RPP40: variants seen among roughly 807,000 people sequenced by gnomAD.
RPP40 encodes the protein ribonuclease P/MRP subunit p40.
Under a neutral mutation model 42.5 loss-of-function variants are expected in RPP40, and 30 were observed. The observed-to-expected ratio is 0.71, with a 90% CI of 0.53 to 0.96. The LOEUF (loss-of-function observed/expected upper bound fraction) is 0.96, where lower values mean the gene tolerates loss of function less well. RPP40 is among the 40% of genes least tolerant of loss of function. RPP40 has a pLI of 0.00. For missense variants in RPP40, 426 were observed against 433.5 expected (o/e 0.98, Z 0.15); for synonymous variants, 173 against 164.0 (o/e 1.05, Z -0.42).
downstream of RPP40, among the ~76,000 whole-genome samples, chr6:4,993,709 TAAA>T (rs749581360): frequency 6.6e-6 from 1 of 152,226 alleles, no homozygotes; most frequent in Non-Finnish European, 1.5e-5. Context: ...CAAGCCACCC[TAAA>T]AACTGCTGTT....
At chr6:4,991,957 T>A (rs1345843320), downstream of RPP40, among the ~76,000 whole-genome samples, 1 of 152,106 alleles carries the variant, frequency 6.6e-6, no homozygotes, top group Non-Finnish European at 1.5e-5. Context: ...TGCTTCTCTT[T>A]CACCTTCCGC....
At chr6:4,992,923 C>T (rs1759280514), downstream of RPP40, among the ~76,000 whole-genome samples, 1 of 152,172 alleles carries the variant, frequency 6.6e-6, no homozygotes, top group African/African-American at 2.4e-5. Flanking sequence ...TGTAACTTAT[C>T]ACACTCTATC....
rs758759657 is a variant in RPP40, at chr6:4,996,103, A to C, written c.759-18T>G. ...CATTATTTCTGTCACCAAAAAAATA[A>C]AAGAGAGAGAGATAACACATGTATA... On this transcript the variant is annotated intron_variant, in intron 6 of 7. Coordinates refer to ENST00000380051, the MANE Select transcript of RPP40 (RefSeq NM_006638.4). 6.2e-7 allele frequency: 1 copy of C among 1,613,158 alleles called. No individual in the cohort carries two copies. Among genetic ancestry groups the C allele is most frequent in the Admixed American group, 1.7e-5 (1 of 59,912 alleles).
At chr6:5,003,155 T>C (rs1290196116) in intron 1 of RPP40, among the ~76,000 whole-genome samples, 1 of 151,830 alleles carries the variant, frequency 6.6e-6, no homozygotes, top group African/African-American at 2.4e-5. Context: ...GAGACCATCC[T>C]GGCTAACACG....
rs1026637320 is a variant in RPP40 at position 5,000,698 on chromosome 6, A to T, written c.269-67T>A. 28 of 996,898 alleles carry T rather than the reference A, an allele frequency of 2.8e-5. No homozygotes were observed. In the African/African-American group the frequency reaches 4.4e-4, roughly 16 times the overall value. 61.8% of individuals were successfully genotyped at this position (996,898 alleles called of 1,614,324 possible). On this transcript the variant is annotated intron_variant, in intron 2 of 7. Transcript: ENST00000380051. Reference sequence around the variant, plus strand: ...TACACCTGCAAGATGTTAGTGGATTATTTTTACAAGATAACCAGTCTTCCG... The same window carrying T: ...TACACCTGCAAGATGTTAGTGGATTTTTTTTACAAGATAACCAGTCTTCCG...
At chr6:5,000,151 G>A (rs1170297422) in intron 3 of RPP40, among the ~76,000 whole-genome samples, 1 of 151,792 alleles carries the variant, frequency 6.6e-6, no homozygotes, top group Non-Finnish European at 1.5e-5. Context: ...TTCTACTAAA[G>A]ATGAAATAAA....
At chr6:5,001,189 A>G (rs1319355539) in intron 2 of RPP40, 1 of 456,104 alleles carries the variant, frequency 2.2e-6, no homozygotes, top group Non-Finnish European at 4.4e-6. Context: ...AAAGCTACCC[A>G]ACCTCTCCAA....
In RPP40 at chr6:5,000,468, G is replaced by C. The variant is rs564840796; in HGVS notation, c.337+95C>G. 3.8e-6 allele frequency: 3 copies of C among 792,820 alleles called. No homozygotes were observed. The Admixed American group carries it at 7.2e-5, about 19-fold the overall frequency. The allele number at this position is 792,820 out of a possible 1,614,324, so 49.1% of individuals were successfully genotyped here. Reference sequence around the variant, plus strand: ...CTCCCAAAGTGCAGGGATTACAGGCGTGAGCCACCGTGCCCAGCTGACTTT... The same window carrying C: ...CTCCCAAAGTGCAGGGATTACAGGCCTGAGCCACCGTGCCCAGCTGACTTT... On this transcript the variant is annotated intron_variant, in intron 3 of 7. Coordinates refer to ENST00000380051, the MANE Select transcript of RPP40 (RefSeq NM_006638.4).
chr6:4,996,528 G>A, intron 5 of RPP40, 108 bp from the exon 6 acceptor site: 1 of 977,654 alleles, frequency 1.0e-6, no homozygotes, highest in South Asian at 1.5e-5. Flanking sequence ...GATTGAGTAA[G>A]ATGGAAGCTG....
chr6:4,994,154 C>A (rs1759302424), downstream of RPP40, among the ~76,000 whole-genome samples: 1 of 148,384 alleles, frequency 6.7e-6, no homozygotes, highest in African/African-American at 2.5e-5. Context: ...AGACAAAAAA[C>A]CAAACACCGC....
chr6:4,993,985 T>G (rs899708223), downstream of RPP40, among the ~76,000 whole-genome samples: 1 of 152,138 alleles, frequency 6.6e-6, no homozygotes, highest in African/African-American at 2.4e-5. Context: ...AAAACTTCAA[T>G]TTGGCATTTG....
At chr6:4,997,983 A>G (rs767118486) in intron 5 of RPP40, among the ~76,000 whole-genome samples, 3 of 152,206 alleles carry the variant, frequency 2.0e-5, no homozygotes, top group Non-Finnish European at 4.4e-5. Flanking sequence ...CCTCTTTTCT[A>G]TCTACCATAT....
In RPP40 at chr6:4,995,086, G is replaced by C; in HGVS notation, c.1084C>G (p.Pro362Ala). 1 of 1,611,806 alleles carries C rather than the reference G, an allele frequency of 6.2e-7. No homozygotes were observed. Among genetic ancestry groups the C allele is most frequent in the Non-Finnish European group, 8.5e-7 (1 of 1,178,822 alleles). ...TTTTTAATTTTTATTTTTTATGGTG[G>C]ACAGTGATCATTTGCCCCAACAGCC... ...QMAVGANDHC[P>A]P Residue 362 changes from proline to alanine, a missense_variant, in exon 8 of 8, where the codon CCA (proline) becomes GCA (alanine). By Grantham distance (27) the Pro-to-Ala change is conservative. Transcript: ENST00000380051.
chr6:4,991,494 G>GT (rs1404546849), downstream of RPP40, among the ~76,000 whole-genome samples: 1 of 152,158 alleles, frequency 6.6e-6, no homozygotes, highest in Non-Finnish European at 1.5e-5. Flanking sequence ...TTCTGCTATT[G>GT]TAAGATGCAA....
chr6:4,999,920 T>C lies in RPP40; in HGVS notation c.338-16A>G, dbSNP rs772120827. ...ATTAATTTCCCTATAAATCAAATAA[T>C]AACTCCCATAAGATACCAAAACTAG... On this transcript the variant is annotated splice_polypyrimidine_tract_variant and intron_variant, in intron 3 of 7. Coordinates refer to ENST00000380051, the MANE Select transcript of RPP40 (RefSeq NM_006638.4). The C allele has an allele frequency of 1.4e-6, 2 of 1,459,012 alleles. No individual in the cohort carries two copies. Among genetic ancestry groups the C allele is most frequent in the Non-Finnish European group, 9.6e-7 (1 of 1,041,494 alleles). The allele number at this position is 1,459,012 out of a possible 1,614,324, so 90.4% of individuals were successfully genotyped here.
At chr6:4,998,578 C>T (rs762244761) in intron 5 of RPP40, 138 bp downstream of exon 5, 61 of 567,808 alleles carry the variant, frequency 1.1e-4, no homozygotes, top group Non-Finnish European at 1.6e-4. Context: ...GGGCTAGTTT[C>T]CTTAATAATA....
intron 1 of RPP40, among the ~76,000 whole-genome samples, chr6:5,003,154 C>T (rs1214095195): frequency 6.6e-6 from 1 of 151,882 alleles, no homozygotes; most frequent in Non-Finnish European, 1.5e-5. Context: ...CGAGACCATC[C>T]TGGCTAACAC....
the RPP40 span, among the ~76,000 whole-genome samples, chr6:4,988,872 T>G: frequency 6.6e-6 from 1 of 152,248 alleles, no homozygotes; most frequent in Admixed American, 6.5e-5. Flanking sequence ...ATTTCATGTT[T>G]TCTTTTATAA....
intron 2 of RPP40, chr6:5,001,240 C>T: frequency 7.0e-6 from 3 of 427,290 alleles, no homozygotes; most frequent in African/African-American, 2.0e-5. Flanking sequence ...CATAGGCTTG[C>T]TTCATAAAGT....
Sources: allele counts gnomAD v4.1 joint callset (sites outside exome capture counted in the v4.1 genomes callset), GRCh38; gene constraint gnomAD v4.1.1; transcripts MANE v1.5; gene names NCBI Gene and HGNC (gene_info 2026-07-23, HGNC 2026-07-21).